Variants in TMEM91 observed in about 807,000 individuals in gnomAD.
TMEM91 encodes transmembrane protein 91.
TMEM91 carries 6 observed loss-of-function variants against 13.3 expected under a neutral mutation model. The observed-to-expected ratio is 0.45, with a 90% CI of 0.25 to 0.89. The LOEUF (loss-of-function observed/expected upper bound fraction) is 0.89. TMEM91 is among the 40% of genes least tolerant of loss of function. The pLI, the probability that TMEM91 is intolerant of heterozygous loss-of-function variation, is 0.19. For synonymous variants in TMEM91, 87 were observed against 101.7 expected, an observed-to-expected ratio of 0.86 and a Z score of 0.87; for missense variants, 193 against 228.7, an observed-to-expected ratio of 0.84 and a Z score of 1.01.
At chr19:41,382,990 G>GCCAT (rs777095876) in intron 3 of TMEM91, 69 bp downstream of exon 3, 25 of 1,573,936 alleles carry the variant, frequency 1.6e-5, no homozygotes, top group Non-Finnish European at 2.1e-5. Context: ...AAAACAAAGA[G>GCCAT]CCATATACCT....
At chr19:41,369,761 T>C (rs1233875038) in intron 1 of TMEM91, among the ~76,000 whole-genome samples, 1 of 150,256 alleles carries the variant, frequency 6.7e-6, no homozygotes, top group African/African-American at 2.4e-5. Context: ...TGAGCCGAGA[T>C]TGCACCATTG....
upstream of TMEM91, among the ~76,000 whole-genome samples, chr19:41,373,124 G>A (rs1053691488): frequency 2.0e-5 from 3 of 152,030 alleles, no homozygotes; most frequent in South Asian, 2.1e-4. Flanking sequence ...ATTTTTTGTA[G>A]AGACAAAATT....
upstream of TMEM91, among the ~76,000 whole-genome samples, chr19:41,372,670 G>A (rs1367355953): frequency 6.6e-6 from 1 of 152,074 alleles, no homozygotes; most frequent in African/African-American, 2.4e-5. Flanking sequence ...CCAAAGAAAT[G>A]GTATGTGTCT....
At chr19:41,370,658 G>A (rs1217424397) in intron 1 of TMEM91, among the ~76,000 whole-genome samples, 1 of 151,872 alleles carries the variant, frequency 6.6e-6, no homozygotes, top group East Asian at 1.9e-4. Context: ...ACCCGCCTCG[G>A]CCTCCCAAAG....
At chr19:41,379,617 AAGAG>A (rs765564852) in intron 2 of TMEM91, among the ~76,000 whole-genome samples, 178 of 149,596 alleles carry the variant, frequency 1.2e-3, no homozygotes, top group South Asian at 1.9e-3. Context: ...GAGAGAGAGA[AAGAG>A]AGAAAGAAGG....
chr19:41,378,823 T>TGAGA (rs1160229560), intron 2 of TMEM91, among the ~76,000 whole-genome samples: 2,683 of 44,606 alleles, frequency 0.06, 76 homozygotes, highest in Admixed American at 0.23. Context: ...TGTGTGTGTG[T>TGAGA]GAGAGAGAGA....
intron 1 of TMEM91, among the ~76,000 whole-genome samples, chr19:41,370,393 T>TTTCATTTATTTA (rs376147570): frequency 1.4e-5 from 2 of 142,986 alleles, no homozygotes; most frequent in Non-Finnish European, 3.0e-5. Flanking sequence ...TTTATTTTTA[T>TTTCATTTATTTA]TTTATTTATT....
chr19:41,378,300 C>G lies in TMEM91; in HGVS notation c.-10C>G, dbSNP rs548367067. ...CCCTAGGAAACCCCTCCTGGAGTTT[C>G]CCCAAAGCCATGGACAGCCCTAGTC... is the stretch of plus-strand genomic sequence containing the variant. On this transcript the variant is annotated 5_prime_UTR_variant, in exon 2 of 4. Transcript: ENST00000392002. 3.7e-6 allele frequency: 6 copies of G among 1,610,664 alleles called. No individual in the cohort carries two copies. The African/African-American group carries it at 8.0e-5, about 22-fold the overall frequency.
At chr19:41,375,527 C>T (rs2038700447), upstream of TMEM91, among the ~76,000 whole-genome samples, 1 of 151,144 alleles carries the variant, frequency 6.6e-6, no homozygotes, top group Non-Finnish European at 1.5e-5. Flanking sequence ...ATCCGCCCGC[C>T]TCGGCCTCCC....
At chr19:41,382,224 G>A (rs923095609) in intron 2 of TMEM91, among the ~76,000 whole-genome samples, 1 of 152,134 alleles carries the variant, frequency 6.6e-6, no homozygotes, top group East Asian at 1.9e-4. Flanking sequence ...GATTGGATCC[G>A]TCAACCCCTT....
chr19:41,372,820 A>C (rs2038645495), upstream of TMEM91, among the ~76,000 whole-genome samples: 1 of 152,156 alleles, frequency 6.6e-6, no homozygotes, highest in Non-Finnish European at 1.5e-5. Flanking sequence ...ATCTAGGGGA[A>C]GCTACTTTGA....
chr19:41,366,250 G>GGGCC (rs1483800407), intron 1 of TMEM91, among the ~76,000 whole-genome samples: 2 of 151,576 alleles, frequency 1.3e-5, no homozygotes, highest in African/African-American at 4.8e-5. Context: ...TCAGCTCTTG[G>GGGCC]GGCCCCTGGT....
chr19:41,373,766 C>T (rs1407949318), upstream of TMEM91, among the ~76,000 whole-genome samples: 3 of 149,414 alleles, frequency 2.0e-5, no homozygotes, highest in Admixed American at 2.0e-4. Flanking sequence ...TTCCTATAAT[C>T]CCAGCTACTT....
intron 1 of TMEM91, among the ~76,000 whole-genome samples, chr19:41,366,052 CTTT>C (rs11375696): frequency 1.2e-4 from 13 of 105,830 alleles, no homozygotes; most frequent in African/African-American, 4.2e-4. Flanking sequence ...TATTTATTTA[CTTT>C]TTTTTTTTTT....
chr19:41,383,958 G>A lies in TMEM91; in HGVS notation c.*85G>A. 1 of 1,534,758 alleles carries A rather than the reference G, an allele frequency of 6.5e-7. No individual in the cohort carries two copies. The highest frequency in any genetic ancestry group is 8.7e-7 in the Non-Finnish European group (1 of 1,148,096). Reference sequence around the variant, plus strand: ...GAGAGTGGAGAATCTTGGTGGATGAGGCTGCGGCGGCGGCAGGAGCATCTA... The same window carrying A: ...GAGAGTGGAGAATCTTGGTGGATGAAGCTGCGGCGGCGGCAGGAGCATCTA... On this transcript the variant is annotated 3_prime_UTR_variant, in exon 4 of 4. Coordinates refer to ENST00000392002, the MANE Select transcript of TMEM91 (RefSeq NM_001098821.2).
chr19:41,383,343 G>A (rs1461420008), intron 3 of TMEM91: 4 of 490,956 alleles, frequency 8.1e-6, no homozygotes, highest in East Asian at 4.3e-5. Flanking sequence ...CGTGAGCCAC[G>A]GTGCCCAGCT....
chr19:41,374,965 A>G (rs1475031179), upstream of TMEM91, among the ~76,000 whole-genome samples: 7 of 152,208 alleles, frequency 4.6e-5, no homozygotes, highest in Admixed American at 4.6e-4. Context: ...CCTGGGCAAC[A>G]AGAGTGAAAC....
chr19:41,372,844 T>C (rs192526967), upstream of TMEM91, among the ~76,000 whole-genome samples: 7 of 152,308 alleles, frequency 4.6e-5, no homozygotes, highest in East Asian at 1.4e-3. Flanking sequence ...TAAATAAATA[T>C]CCTGTTCTTT....
intron 1 of TMEM91, among the ~76,000 whole-genome samples, chr19:41,365,873 G>C (rs1457714814): frequency 6.6e-6 from 1 of 151,042 alleles, no homozygotes; most frequent in Non-Finnish European, 1.5e-5. Context: ...ACTATATCTA[G>C]CTAATGTTTG....
Sources: allele counts gnomAD v4.1 joint callset (sites outside exome capture counted in the v4.1 genomes callset), GRCh38; gene constraint gnomAD v4.1.1; transcripts MANE v1.5; gene names NCBI Gene and HGNC (gene_info 2026-07-23, HGNC 2026-07-21).